Variants in SNUPN observed in about 807,000 individuals in gnomAD.
The protein encoded by SNUPN is snurportin-1.
SNUPN carries 31 observed loss-of-function variants against 39.2 expected under a neutral mutation model. The observed-to-expected ratio is 0.79, with a 90% CI of 0.59 to 1.07. The LOEUF (loss-of-function observed/expected upper bound fraction) is 1.07. Ranked by LOEUF, SNUPN falls within the 50% of genes least tolerant of loss-of-function variation. SNUPN has a pLI of 0.00. For synonymous variants in SNUPN, 132 were observed against 159.0 expected, an observed-to-expected ratio of 0.83 and a Z score of 1.28; for missense variants, 382 against 434.2, an observed-to-expected ratio of 0.88 and a Z score of 1.07.
At chr15:75,619,452 A>G (rs1416976926) in intron 2 of SNUPN, among the ~76,000 whole-genome samples, 1 of 152,000 alleles carries the variant, frequency 6.6e-6, no homozygotes, top group Non-Finnish European at 1.5e-5. Context: ...GATCAGCCTG[A>G]GCAATATAGG....
chr15:75,623,303 C>T (rs974423199), intron 1 of SNUPN, among the ~76,000 whole-genome samples: 1 of 134,670 alleles, frequency 7.4e-6, no homozygotes, highest in East Asian at 2.1e-4. Context: ...CGCCACCACG[C>T]CCGGCTAATT....
In SNUPN at chr15:75,603,427, T is replaced by C. The variant is rs563796258; in HGVS notation, c.678+1723A>G. Among the ~76,000 whole-genome samples, 11 of 149,044 alleles carry C rather than the reference T, an allele frequency of 7.4e-5. No individual in the cohort carries two copies. The East Asian group carries it at 1.4e-3, about 19-fold the overall frequency. On this transcript the variant is annotated intron_variant, in intron 7 of 8. Coordinates refer to ENST00000308588, the MANE Select transcript of SNUPN (RefSeq NM_005701.4). Reference sequence around the variant, plus strand: ...CTGTAATCCCAGCACTTTGGGAGGCTGAGGCAGGCAGATCACAAGGTCAGG... The same window carrying C: ...CTGTAATCCCAGCACTTTGGGAGGCCGAGGCAGGCAGATCACAAGGTCAGG...
At chr15:75,600,188 C>T (rs1454836680) in intron 8 of SNUPN, among the ~76,000 whole-genome samples, 1 of 151,856 alleles carries the variant, frequency 6.6e-6, no homozygotes, top group African/African-American at 2.4e-5. Context: ...GGAAAATGTG[C>T]TTGTTGAGCC....
At chr15:75,610,858 C>G (rs1384399455) in intron 3 of SNUPN, among the ~76,000 whole-genome samples, 8 of 152,220 alleles carry the variant, frequency 5.3e-5, no homozygotes, top group Admixed American at 6.5e-5. Flanking sequence ...TCCACTCAGT[C>G]TCTTCCATCT....
intron 2 of SNUPN, 85 bp downstream of exon 2, chr15:75,620,809 G>A: frequency 8.3e-7 from 1 of 1,200,340 alleles, no homozygotes; most frequent in Non-Finnish European, 1.2e-6. Flanking sequence ...TGAAGGGAGA[G>A]TCTGTAGAGA....
intron 1 of SNUPN, among the ~76,000 whole-genome samples, chr15:75,622,945 G>A (rs1434176239): frequency 1.3e-5 from 2 of 152,132 alleles, no homozygotes; most frequent in Non-Finnish European, 1.5e-5. Context: ...TTCGAAGCCA[G>A]CCTGGGCAAT....
chr15:75,616,425 T>C (rs766288892), intron 3 of SNUPN, among the ~76,000 whole-genome samples: 6 of 151,526 alleles, frequency 4.0e-5, no homozygotes, highest in Non-Finnish European at 7.4e-5. Flanking sequence ...ACCACTGCAC[T>C]CCAGCCTGGG....
rs767012260 is a variant in SNUPN at position 75,609,661 on chromosome 15, G to C, written c.409-10C>G. ...AGGCACTGGTAGAACCCTGCATGGA[G>C]AGAAAGTTACCATTCTTATTAGACC... is the stretch of plus-strand genomic sequence containing the variant. On this transcript the variant is annotated splice_polypyrimidine_tract_variant and intron_variant, in intron 4 of 8. Transcript: ENST00000308588. The C allele has an allele frequency of 1.3e-6, 2 of 1,594,986 alleles. No individual in the cohort carries two copies. The highest frequency in any genetic ancestry group is 2.2e-5 in the East Asian group (1 of 44,822).
intron 7 of SNUPN, among the ~76,000 whole-genome samples, chr15:75,602,084 A>G (rs1239848780): frequency 6.6e-6 from 1 of 152,102 alleles, no homozygotes; most frequent in Non-Finnish European, 1.5e-5. Flanking sequence ...GGGAGCTTTT[A>G]AAAATTACTG....
chr15:75,619,643 A>G (rs1893019948), intron 2 of SNUPN, among the ~76,000 whole-genome samples: 1 of 152,118 alleles, frequency 6.6e-6, no homozygotes, highest in Non-Finnish European at 1.5e-5. Context: ...TCTAAAATAT[A>G]TATATATTTG....
At chr15:75,625,159 T>C (rs963438415) in intron 1 of SNUPN, 1 of 152,908 alleles carries the variant, frequency 6.5e-6, no homozygotes, top group African/African-American at 2.4e-5. Flanking sequence ...TTAGCACCAG[T>C]AACCCCCGCT....
Position 75,620,879 on chromosome 15 carries a change from T to C in SNUPN, c.158+15A>G, listed in dbSNP as rs1052490906. 2.5e-6 allele frequency: 4 copies of C among 1,610,454 alleles called. No homozygotes were observed. In the South Asian group the frequency reaches 4.4e-5, roughly 18 times the overall value. ...TAGCCCAGAGAAAGAAGACAAGGAG[T>C]TAAAGCTTCCTTACGATTTCTGCAG... On this transcript the variant is annotated intron_variant, in intron 2 of 8. Transcript: ENST00000308588.
intron 1 of SNUPN, among the ~76,000 whole-genome samples, chr15:75,624,146 C>T (rs1893153419): frequency 6.8e-6 from 1 of 147,730 alleles, no homozygotes; most frequent in South Asian, 2.2e-4. Flanking sequence ...CCGGGATGGT[C>T]TCGATCTCCT....
At chr15:75,608,334 G>A (rs1892684430) in intron 5 of SNUPN, among the ~76,000 whole-genome samples, 1 of 152,122 alleles carries the variant, frequency 6.6e-6, no homozygotes, top group African/African-American at 2.4e-5. Flanking sequence ...AGTGAGCTGT[G>A]ATCATGCCCT....
At chr15:75,617,592 CTTTT>C in intron 2 of SNUPN, 40 bp from the exon 3 acceptor site, 4 of 1,338,904 alleles carry the variant, frequency 3.0e-6, no homozygotes, top group Non-Finnish European at 3.0e-6. Flanking sequence ...ATCTTTTCTT[CTTTT>C]TTTTTTTTTA....
intron 3 of SNUPN, among the ~76,000 whole-genome samples, chr15:75,611,903 C>T (rs1892792030): frequency 6.6e-6 from 1 of 152,132 alleles, no homozygotes; most frequent in Non-Finnish European, 1.5e-5. Context: ...ACTCCACTTT[C>T]TCCTAGTTTA....
chr15:75,615,997 T>C (rs901397832), intron 3 of SNUPN, among the ~76,000 whole-genome samples: 1 of 152,178 alleles, frequency 6.6e-6, no homozygotes, highest in African/African-American at 2.4e-5. Context: ...TCTTCCCATG[T>C]CATAGCCTAG....
chr15:75,619,020 G>A (rs947846838), intron 2 of SNUPN, among the ~76,000 whole-genome samples: 1 of 81,274 alleles, frequency 1.2e-5, no homozygotes, highest in African/African-American at 5.2e-5. Flanking sequence ...TGCTACTTGT[G>A]TTAAAAAAAA....
At chr15:75,610,083 A>G in intron 3 of SNUPN, 89 bp from the exon 4 acceptor site, 1 of 992,606 alleles carries the variant, frequency 1.0e-6, no homozygotes, top group South Asian at 1.4e-5. Context: ...CTGTGTGTAT[A>G]TTAAAAACCT....
Sources: allele counts gnomAD v4.1 joint callset (sites outside exome capture counted in the v4.1 genomes callset), GRCh38; gene constraint gnomAD v4.1.1; transcripts MANE v1.5; gene names NCBI Gene and HGNC (gene_info 2026-07-23, HGNC 2026-07-21).